Variants in MARCHF1 observed in about 807,000 individuals in gnomAD.
MARCHF1 encodes membrane associated ring-CH-type finger 1.
Under a neutral mutation model 54.2 loss-of-function variants are expected in MARCHF1, and 40 were observed. The ratio of observed to expected loss-of-function variants is 0.74; its 90% CI spans 0.57 to 0.96. MARCHF1 has a LOEUF of 0.96. Ranked by LOEUF, MARCHF1 falls within the 40% of genes least tolerant of loss-of-function variation. The probability of loss-of-function intolerance (pLI) is 0.00; values close to 1 mark genes in which losing one functional copy is unlikely to be tolerated. For synonymous variants in MARCHF1, 236 were observed against 236.3 expected (o/e 1.00, Z 0.01); for missense variants, 586 against 656.5 (o/e 0.89, Z 1.17).
At chr4:163,560,847 T>G (rs758955092) in intron 8 of MARCHF1, among the ~76,000 whole-genome samples, 3 of 152,208 alleles carry the variant, frequency 2.0e-5, no homozygotes, top group Non-Finnish European at 2.9e-5. Context: ...GAAATACATT[T>G]GGTTTTTATA....
At chr4:164,223,782 G>T (rs1314774965) in intron 1 of MARCHF1, among the ~76,000 whole-genome samples, 15 of 151,490 alleles carry the variant, frequency 9.9e-5, no homozygotes, top group Middle Eastern at 3.2e-3. Context: ...TTAAAAAAGT[G>T]TTCCTTATTA....
At chr4:164,372,480 T>C (rs1345643972) in intron 1 of MARCHF1, among the ~76,000 whole-genome samples, 1 of 152,208 alleles carries the variant, frequency 6.6e-6, no homozygotes, top group Non-Finnish European at 1.5e-5. Flanking sequence ...ATTTTTTAAC[T>C]GGGAGAGAAT....
At chr4:163,612,249 G>C in intron 7 of MARCHF1, 22 bp downstream of exon 7, 1 of 1,462,152 alleles carries the variant, frequency 6.8e-7, no homozygotes, top group Non-Finnish European at 9.0e-7. Flanking sequence ...ATGACATCAA[G>C]CCTTTCTCTA....
intron 2 of MARCHF1, among the ~76,000 whole-genome samples, chr4:164,080,670 GTA>G (rs200634952): frequency 0.046 from 6,788 of 149,042 alleles, 248 homozygotes; most frequent in East Asian, 0.18. Flanking sequence ...GTGTGTGTGT[GTA>G]TATATATATA....
At chr4:163,828,745 A>C (rs985370665) in intron 4 of MARCHF1, 1 of 152,212 alleles carries the variant, frequency 6.6e-6, no homozygotes, top group African/African-American at 2.4e-5. Flanking sequence ...GTCAACCCTG[A>C]ACATTGGATA....
chr4:163,869,060 A>T (rs1467448056), intron 3 of MARCHF1, among the ~76,000 whole-genome samples: 1 of 151,646 alleles, frequency 6.6e-6, no homozygotes, highest in African/African-American at 2.4e-5. Context: ...ATAAACCCTC[A>T]AACAATAGCC....
chr4:163,748,799 G>GC (rs1027542638), intron 4 of MARCHF1, among the ~76,000 whole-genome samples: 9 of 152,122 alleles, frequency 5.9e-5, no homozygotes, highest in South Asian at 4.1e-4. Flanking sequence ...GGGTGGCACA[G>GC]CCCCCCCGCC....
At chr4:164,240,162 C>T (rs12500150) in intron 1 of MARCHF1, among the ~76,000 whole-genome samples, 124,089 of 152,122 alleles carry the variant, frequency 0.82, 51,067 homozygotes, top group South Asian at 0.89. Flanking sequence ...TAATGAGCCA[C>T]GAGACTGGAA....
intron 1 of MARCHF1, among the ~76,000 whole-genome samples, chr4:164,212,232 A>T: frequency 6.6e-6 from 1 of 152,184 alleles, no homozygotes; most frequent in Non-Finnish European, 1.5e-5. Flanking sequence ...GGATTACACA[A>T]AGCTCTGGCA....
intron 7 of MARCHF1, among the ~76,000 whole-genome samples, chr4:163,590,345 T>G (rs945309640): frequency 1.3e-5 from 2 of 152,070 alleles, no homozygotes; most frequent in South Asian, 4.1e-4. Flanking sequence ...ATTTCATTCC[T>G]GCACAGTTTC....
chr4:163,533,281 A>C (rs1015948572), intron 9 of MARCHF1, among the ~76,000 whole-genome samples: 22 of 152,006 alleles, frequency 1.4e-4, no homozygotes, highest in African/African-American at 4.8e-4. Flanking sequence ...GATTCCAACT[A>C]TGTGACATTC....
At chr4:164,100,681 C>A (rs1485561942) in intron 2 of MARCHF1, among the ~76,000 whole-genome samples, 1 of 152,174 alleles carries the variant, frequency 6.6e-6, no homozygotes, top group Non-Finnish European at 1.5e-5. Flanking sequence ...AGTTGTCTCC[C>A]CTAAAACTCC....
intron 1 of MARCHF1, among the ~76,000 whole-genome samples, chr4:164,192,132 A>G (rs1336608514): frequency 6.6e-6 from 1 of 152,208 alleles, no homozygotes; most frequent in East Asian, 1.9e-4. Flanking sequence ...CATAATTATT[A>G]CTAAAAACAG....
chr4:164,178,609 A>G (rs754472775), intron 1 of MARCHF1, among the ~76,000 whole-genome samples: 7 of 152,186 alleles, frequency 4.6e-5, no homozygotes, highest in Non-Finnish European at 1.0e-4. Flanking sequence ...TCCTAGATTA[A>G]ATCACTGAGT....
intron 1 of MARCHF1, among the ~76,000 whole-genome samples, chr4:164,285,288 A>G (rs1734114945): frequency 1.3e-5 from 2 of 152,102 alleles, no homozygotes; most frequent in African/African-American, 4.8e-5. Flanking sequence ...CCCACTACTT[A>G]GAAGGCTGAG....
rs532159120 is a variant in MARCHF1 at position 164,215,979 on chromosome 4, A to G, written c.-322-104317T>C. Among the ~76,000 whole-genome samples the G allele has an allele frequency of 3.3e-4, 51 of 152,312 alleles. No homozygotes were observed. In the South Asian group the frequency reaches 9.5e-3, roughly 28 times the overall value. On this transcript the variant is annotated intron_variant, in intron 1 of 9. Coordinates refer to ENST00000514618, the MANE Select transcript of MARCHF1 (RefSeq NM_001394959.1). ...ATATACAATGAAAAAAGTAGGAAAA[A>G]TATTATTTCTGTATTTAATTAGGTT... is the stretch of plus-strand genomic sequence containing the variant.
At position 163,757,108 on chromosome 4, in the gene MARCHF1, T is replaced by G. The variant is rs543943785; in HGVS notation, c.112-56245A>C. 7.2e-5 allele frequency among the ~76,000 whole-genome samples: 11 copies of G among 152,350 alleles called. No individual in the cohort carries two copies. In the South Asian group the frequency reaches 2.3e-3, roughly 32 times the overall value. On this transcript the variant is annotated intron_variant, in intron 4 of 9. Coordinates refer to ENST00000514618, the MANE Select transcript of MARCHF1 (RefSeq NM_001394959.1). Reference sequence around the variant, plus strand: ...TCAACTTTTCCTACATCAAAATCTTTGTTAAATCAGTAACGTTTGCAAAGT... The same window carrying G: ...TCAACTTTTCCTACATCAAAATCTTGGTTAAATCAGTAACGTTTGCAAAGT...
chr4:164,004,791 A>C (rs1037913530), intron 2 of MARCHF1, among the ~76,000 whole-genome samples: 1 of 152,078 alleles, frequency 6.6e-6, no homozygotes, highest in African/African-American at 2.4e-5. Flanking sequence ...AACATTGGGA[A>C]ATAAATAAAA....
chr4:163,934,425 G>T (rs957081564), intron 3 of MARCHF1, among the ~76,000 whole-genome samples: 1 of 151,272 alleles, frequency 6.6e-6, no homozygotes, highest in African/African-American at 2.4e-5. Context: ...CAGGTGTGGT[G>T]GTATGCATCT....
Sources: allele counts gnomAD v4.1 joint callset (sites outside exome capture counted in the v4.1 genomes callset), GRCh38; gene constraint gnomAD v4.1.1; transcripts MANE v1.5; gene names NCBI Gene and HGNC (gene_info 2026-07-23, HGNC 2026-07-21).